VAPA: variants seen among roughly 807,000 people sequenced by gnomAD.
The protein encoded by VAPA is vesicle-associated membrane protein-associated protein A.
VAPA carries 6 observed loss-of-function variants against 25.6 expected under a neutral mutation model. The ratio of observed to expected loss-of-function variants is 0.23; its 90% CI spans 0.13 to 0.46. The LOEUF is 0.46. VAPA is among the 20% of genes least tolerant of loss of function. The pLI, the probability that VAPA is intolerant of heterozygous loss-of-function variation, is 0.99. For missense variants in VAPA, 244 were observed against 302.1 expected (o/e 0.81, Z 1.43); for synonymous variants, 112 against 106.2 (o/e 1.05, Z -0.34).
chr18:9,950,442 A>T lies in VAPA; in HGVS notation c.465A>T (p.Gln155His). Residue 155 changes from glutamine to histidine, a missense_variant, in exon 5 of 6, where the codon CAA (glutamine) becomes CAT (histidine). Gln to His is a conservative substitution (Grantham distance 24, BLOSUM62 0). Transcript: ENST00000400000. Reference sequence around the variant, plus strand: ...CTGTTCCACTGAATGCATCTAAGCAAGATGGACCTATGCCAAAACCACACA... The same window carrying T: ...CTGTTCCACTGAATGCATCTAAGCATGATGGACCTATGCCAAAACCACACA... ...SKAVPLNASK[Q>H]DGPMPKPHSV... 1 of 1,614,170 alleles carries T rather than the reference A, an allele frequency of 6.2e-7. No individual in the cohort carries two copies. Among genetic ancestry groups the T allele is most frequent in the Non-Finnish European group, 8.5e-7 (1 of 1,180,004 alleles).
At chr18:9,945,637 T>G (rs965776219) in intron 4 of VAPA, among the ~76,000 whole-genome samples, 2 of 152,180 alleles carry the variant, frequency 1.3e-5, no homozygotes, top group Non-Finnish European at 2.9e-5. Flanking sequence ...GTCCTGGGAT[T>G]ATAGGCGTGA....
intron 2 of VAPA, among the ~76,000 whole-genome samples, chr18:9,934,851 T>C (rs1017148173): frequency 6.6e-6 from 1 of 152,056 alleles, no homozygotes; most frequent in Non-Finnish European, 1.5e-5. Context: ...TCCCAGCACT[T>C]TGGGAGGCTG....
At chr18:9,940,346 A>C (rs1438675108) in intron 4 of VAPA, among the ~76,000 whole-genome samples, 1 of 151,910 alleles carries the variant, frequency 6.6e-6, no homozygotes, top group East Asian at 1.9e-4. Flanking sequence ...CCAGGTCCAG[A>C]CCTGGAAAGA....
At chr18:9,926,834 C>T (rs985376886) in intron 1 of VAPA, among the ~76,000 whole-genome samples, 2 of 152,098 alleles carry the variant, frequency 1.3e-5, no homozygotes, top group African/African-American at 4.8e-5. Context: ...TTAATACATT[C>T]TTGAAAAGAT....
At chr18:9,919,376 A>C (rs962109892) in intron 1 of VAPA, among the ~76,000 whole-genome samples, 12 of 152,200 alleles carry the variant, frequency 7.9e-5, no homozygotes, top group Admixed American at 3.3e-4. Flanking sequence ...TATCTGCTAC[A>C]TGTCAGGTAT....
At chr18:9,922,147 T>A (rs2069162024) in intron 1 of VAPA, among the ~76,000 whole-genome samples, 1 of 152,086 alleles carries the variant, frequency 6.6e-6, no homozygotes, top group Non-Finnish European at 1.5e-5. Context: ...ATATGTTTTA[T>A]TTTTTGTAGA....
At position 9,959,452 on chromosome 18, in the gene VAPA, TAAG is replaced by T. The variant is rs1044266763; in HGVS notation, c.*5248_*5250del. On this transcript the variant is annotated 3_prime_UTR_variant, in exon 6 of 6. Coordinates refer to ENST00000400000, the MANE Select transcript of VAPA (RefSeq NM_194434.3). Reference sequence around the variant, plus strand: ...TCCTAAACAAGAGTGTGTGTTACTCTAAGAAGAAGGCTATAGAATTTATGGAAA... The same window carrying T: ...TCCTAAACAAGAGTGTGTGTTACTCTAAGAAGGCTATAGAATTTATGGAAA... The T allele has an allele frequency of 7.9e-5, 12 of 152,134 alleles. No individual in the cohort carries two copies. Among genetic ancestry groups the T allele is most frequent in the African/African-American group, 2.9e-4 (12 of 41,432 alleles). 9.4% of individuals were successfully genotyped at this position (152,134 alleles called of 1,614,324 possible). A position where few individuals can be genotyped will look rare whatever the true frequency, so the allele number is the denominator to read the frequency against.
At chr18:9,934,516 G>A (rs2069288312) in intron 2 of VAPA, among the ~76,000 whole-genome samples, 1 of 152,136 alleles carries the variant, frequency 6.6e-6, no homozygotes, top group African/African-American at 2.4e-5. Flanking sequence ...CCTTGAAAAA[G>A]TTGTCTTAAC....
intron 1 of VAPA, among the ~76,000 whole-genome samples, chr18:9,920,962 A>G (rs1009188265): frequency 1.3e-5 from 2 of 152,238 alleles, no homozygotes; most frequent in Non-Finnish European, 2.9e-5. Flanking sequence ...CAGAGCCTTC[A>G]TGCCACTGTT....
At chr18:9,923,090 G>A (rs1206802108) in intron 1 of VAPA, among the ~76,000 whole-genome samples, 2 of 152,036 alleles carry the variant, frequency 1.3e-5, no homozygotes, top group African/African-American at 4.8e-5. Flanking sequence ...AGAAACCTCC[G>A]TATCATTTTT....
chr18:9,927,730 C>CT (rs767453228), intron 1 of VAPA, among the ~76,000 whole-genome samples: 4 of 151,996 alleles, frequency 2.6e-5, no homozygotes, highest in African/African-American at 4.8e-5. Context: ...ATGTCAGGCT[C>CT]TAAGTTTTTT....
At chr18:9,925,271 G>A (rs2069190718) in intron 1 of VAPA, among the ~76,000 whole-genome samples, 1 of 151,604 alleles carries the variant, frequency 6.6e-6, no homozygotes, top group Non-Finnish European at 1.5e-5. Flanking sequence ...TGTATAATAT[G>A]TTTGTATAAT....
intron 4 of VAPA, among the ~76,000 whole-genome samples, chr18:9,939,103 C>A (rs1479356026): frequency 6.6e-6 from 1 of 151,668 alleles, no homozygotes; most frequent in African/African-American, 2.4e-5. Context: ...AAACTTGTCA[C>A]AAATGTCATT....
At chr18:9,939,982 T>C (rs1286269894) in intron 4 of VAPA, among the ~76,000 whole-genome samples, 3 of 152,226 alleles carry the variant, frequency 2.0e-5, no homozygotes, top group East Asian at 3.8e-4. Flanking sequence ...ACAATACTTG[T>C]GTAAGGAGAA....
chr18:9,950,431 G>A lies in VAPA; in HGVS notation c.454G>A (p.Ala152Thr). The A allele has an allele frequency of 6.2e-7, 1 of 1,613,866 alleles. No homozygotes were observed. The highest frequency in any genetic ancestry group is 8.5e-7 in the Non-Finnish European group (1 of 1,179,942). ...ACCTAGCAAAGCTGTTCCACTGAAT[G>A]CATCTAAGCAAGATGGACCTATGCC... ...MEPSKAVPLN[A>T]SKQDGPMPKP... The change falls in exon 5 of 6, where the codon GCA (alanine) becomes ACA (threonine). Residue 152 changes from alanine to threonine, a missense_variant. Ala to Thr is a moderately conservative substitution (Grantham distance 58). Around this residue, in one of 2 missense-constraint regions of VAPA, gnomAD observed 145 missense variants for 140.6 expected, o/e 1.03. Transcript: ENST00000400000.
intron 5 of VAPA, among the ~76,000 whole-genome samples, chr18:9,952,972 G>A (rs1390696931): frequency 6.6e-6 from 1 of 152,136 alleles, no homozygotes; most frequent in Admixed American, 6.5e-5. Flanking sequence ...TTATTTATAA[G>A]CACAATAAAG....
chr18:9,956,305 TAATG>T lies in VAPA; in HGVS notation c.*2097_*2100del, dbSNP rs1219225541. On this transcript the variant is annotated 3_prime_UTR_variant, in exon 6 of 6. Transcript: ENST00000400000. ...GTCTTAGTTTGAGAGATGGCTGAAA[TAATG>T]AACATAAAATGCTATTTATAATAAC... 5 of 152,238 alleles carry T rather than the reference TAATG, an allele frequency of 3.3e-5. No individual in the cohort carries two copies. The highest frequency in any genetic ancestry group is 1.2e-4 in the African/African-American group (5 of 41,458). 9.4% of individuals were successfully genotyped at this position (152,238 alleles called of 1,614,324 possible).
In VAPA at chr18:9,920,043, A is replaced by G. The variant is rs142368420; in HGVS notation, c.79+5708A>G. 4.6e-5 allele frequency among the ~76,000 whole-genome samples: 7 copies of G among 152,260 alleles called. No homozygotes were observed. The East Asian group carries it at 1.4e-3, about 29-fold the overall frequency. On this transcript the variant is annotated intron_variant, in intron 1 of 5. Transcript: ENST00000400000. ...AATGTCTGAGATTTCTGCTTATATAACTGGGGAAATGGTGGTGCTATTTGA... is the reference window on the plus strand; with the variant it reads ...AATGTCTGAGATTTCTGCTTATATAGCTGGGGAAATGGTGGTGCTATTTGA...
chr18:9,924,720 C>T (rs1040760988), intron 1 of VAPA, among the ~76,000 whole-genome samples: 2 of 152,128 alleles, frequency 1.3e-5, no homozygotes, highest in African/African-American at 4.8e-5. Flanking sequence ...TAAAGTTAAT[C>T]ACAATGTCAC....
Sources: gnomAD v4.1 joint callset for allele counts (sites outside exome capture counted in the v4.1 genomes callset) on GRCh38, gnomAD v4.1.1 for gene constraint, gnomAD v4.1.1 regional missense constraint, MANE v1.5 for transcripts, NCBI Gene and HGNC (gene_info 2026-07-23, HGNC 2026-07-21) for gene names.